DYNC2I1: variants seen among roughly 807,000 people sequenced by gnomAD.
DYNC2I1 encodes the protein dynein 2 intermediate chain 1.
Under a neutral mutation model 133.4 loss-of-function variants are expected in DYNC2I1, and 89 were observed. That is an observed-to-expected ratio of 0.67 (90% CI 0.56 to 0.80). DYNC2I1 has a LOEUF of 0.80. Among genes scored for constraint, DYNC2I1 ranks in the 30% least tolerant of loss-of-function variants. DYNC2I1 has a pLI of 0.00. For missense variants in DYNC2I1, 1,291 were observed against 1,314.5 expected (o/e 0.98, Z 0.28); for synonymous variants, 504 against 484.3 (o/e 1.04, Z -0.54).
intron 24 of DYNC2I1, among the ~76,000 whole-genome samples, chr7:158,943,421 C>G (rs10242688): frequency 0.16 from 23,919 of 152,078 alleles, 2,050 homozygotes; most frequent in African/African-American, 0.18. Flanking sequence ...GAGGGGGTCC[C>G]GAAATGTGCT....
At chr7:158,957,923 G>A (rs1852239457), downstream of DYNC2I1, among the ~76,000 whole-genome samples, 1 of 152,214 alleles carries the variant, frequency 6.6e-6, no homozygotes, top group Non-Finnish European at 1.5e-5. Context: ...TGACGTGTCA[G>A]CCACTGCCCC....
chr7:158,881,107 G>A (rs1843956659), intron 5 of DYNC2I1, among the ~76,000 whole-genome samples: 1 of 152,254 alleles, frequency 6.6e-6, no homozygotes, highest in South Asian at 2.1e-4. Flanking sequence ...CACTTAGGCC[G>A]AGAAGCAGTC....
At chr7:158,859,367 C>G (rs1841668284) in intron 1 of DYNC2I1, among the ~76,000 whole-genome samples, 1 of 152,068 alleles carries the variant, frequency 6.6e-6, no homozygotes, top group Non-Finnish European at 1.5e-5. Context: ...GTAACATTTT[C>G]TTTCTCTCCA....
At chr7:158,909,806 G>A (rs967487409) in intron 11 of DYNC2I1, among the ~76,000 whole-genome samples, 4 of 152,300 alleles carry the variant, frequency 2.6e-5, no homozygotes, top group Admixed American at 1.3e-4. Context: ...GGCATTTGAC[G>A]TTCGCACAGG....
At chr7:158,900,755 C>T (rs1846166683) in intron 8 of DYNC2I1, among the ~76,000 whole-genome samples, 1 of 131,556 alleles carries the variant, frequency 7.6e-6, no homozygotes, top group Admixed American at 8.0e-5. Flanking sequence ...TTTTTCCTTC[C>T]CGCTTTTTGT....
At chr7:158,839,917 T>G in the DYNC2I1 span, among the ~76,000 whole-genome samples, 1 of 151,948 alleles carries the variant, frequency 6.6e-6, no homozygotes, top group Non-Finnish European at 1.5e-5. Context: ...GCCTCTTGGG[T>G]TGATCCTCTT....
intron 14 of DYNC2I1, 116 bp from the exon 15 acceptor site, chr7:158,918,624 G>C: frequency 8.4e-7 from 1 of 1,192,088 alleles, no homozygotes; most frequent in South Asian, 1.4e-5. Context: ...TTATGATAGC[G>C]TCATGGATCT....
intron 15 of DYNC2I1, among the ~76,000 whole-genome samples, chr7:158,921,020 G>A (rs756651329): frequency 6.6e-6 from 1 of 152,180 alleles, no homozygotes; most frequent in African/African-American, 2.4e-5. Context: ...GGGCACTGTC[G>A]GGGAGCTGCA....
chr7:158,953,495 A>G (rs528242839), intron 4 of DYNC2I1, among the ~76,000 whole-genome samples: 3 of 152,356 alleles, frequency 2.0e-5, no homozygotes, highest in Admixed American at 1.3e-4. Flanking sequence ...ATAACCTATC[A>G]TAATCCCAGC....
chr7:158,927,375 C>T (rs979276160), intron 20 of DYNC2I1, among the ~76,000 whole-genome samples: 7 of 149,882 alleles, frequency 4.7e-5, no homozygotes, highest in Non-Finnish European at 1.0e-4. Context: ...TACACTCCAG[C>T]CTGGGTGATG....
Position 158,951,855 on chromosome 7 carries a change from G to T in DYNC2I1, c.*57-4728G>T, listed in dbSNP as rs114208914. ...ATCCAAGGCCTGGCCTTTGCCCTGG[G>T]TGCTGTGCCTCGGGGGACGTGAGGG... is the stretch of plus-strand genomic sequence containing the variant. On this transcript the variant is annotated intron_variant and NMD_transcript_variant, in intron 4 of 4. Coordinates refer to the DYNC2I1 transcript ENST00000454771. Among the ~76,000 whole-genome samples the T allele has an allele frequency of 9.9e-3, 1,508 of 152,272 alleles. 30 individuals are homozygous for T. Among genetic ancestry groups the T allele is most frequent in the African/African-American group, 0.034 (1,417 of 41,548 alleles).
At chr7:158,936,960 T>C (rs898766766) in intron 23 of DYNC2I1, among the ~76,000 whole-genome samples, 9 of 152,106 alleles carry the variant, frequency 5.9e-5, no homozygotes, top group African/African-American at 2.2e-4. Context: ...AATAAATAAC[T>C]AATCCTGCAA....
rs1008324299 is a variant in DYNC2I1, at chr7:158,869,618, T to A, written c.16-237T>A. ...TTGTTTTCACTTTTATTTTATAATA[T>A]TTAAGTTTTGAAGTAGCCAAAGGAA... On this transcript the variant is annotated intron_variant, in intron 1 of 24. Transcript: ENST00000407559. 6 of 535,694 alleles carry A rather than the reference T, an allele frequency of 1.1e-5. No homozygotes were observed. In the African/African-American group the frequency reaches 1.1e-4, roughly 10 times the overall value. The allele number at this position is 535,694 out of a possible 1,614,324, so 33.2% of individuals were successfully genotyped here.
At chr7:158,866,441 C>G (rs1486742720) in intron 1 of DYNC2I1, among the ~76,000 whole-genome samples, 2 of 151,650 alleles carry the variant, frequency 1.3e-5, no homozygotes, top group Non-Finnish European at 2.9e-5. Context: ...GGCGTCCCCT[C>G]TCTGTGGTAC....
downstream of DYNC2I1, among the ~76,000 whole-genome samples, chr7:158,950,378 G>T (rs1852020144): frequency 6.6e-6 from 1 of 152,188 alleles, no homozygotes; most frequent in Admixed American, 6.5e-5. Flanking sequence ...GATTCCAGGT[G>T]TGAGCACCAG....
At chr7:158,887,735 TC>T (rs1158149841) in intron 7 of DYNC2I1, among the ~76,000 whole-genome samples, 1 of 152,196 alleles carries the variant, frequency 6.6e-6, no homozygotes. Context: ...TCTGGCAAAT[TC>T]TACCAAGCAC....
intron 17 of DYNC2I1, among the ~76,000 whole-genome samples, chr7:158,924,111 C>G (rs1365255955): frequency 6.6e-6 from 1 of 152,230 alleles, no homozygotes. Flanking sequence ...ACAATTGGGC[C>G]TCCCTGAGCC....
chr7:158,904,449 T>A (rs1368825888), intron 10 of DYNC2I1: 4 of 152,204 alleles, frequency 2.6e-5, no homozygotes, highest in Non-Finnish European at 5.9e-5. Flanking sequence ...TGCACTAAAG[T>A]TACACCATGG....
In DYNC2I1 at chr7:158,945,197, T is replaced by A. The variant is rs1851756228; in HGVS notation, c.3003-384T>A. On this transcript the variant is annotated intron_variant, in intron 24 of 24. Transcript: ENST00000407559. The surrounding 1 kb of genome is among the most constrained non-coding windows in gnomAD (Gnocchi z 4.1). ...TGAGTCCGGGCTGGAGACGCAGACT[T>A]GTGAGTCCTGACACTCAGCTGTGGG... Among the ~76,000 whole-genome samples the A allele has an allele frequency of 6.6e-6, 1 of 151,846 alleles. No individual in the cohort carries two copies. The highest frequency in any genetic ancestry group is 1.5e-5 in the Non-Finnish European group (1 of 67,950).
Sources: allele counts gnomAD v4.1 joint callset (sites outside exome capture counted in the v4.1 genomes callset), GRCh38; gene constraint gnomAD v4.1.1; non-coding constraint Gnocchi (gnomAD v3.1); transcripts MANE v1.5; gene names NCBI Gene and HGNC (gene_info 2026-07-23, HGNC 2026-07-21).